NLN: variants seen among roughly 807,000 people sequenced by gnomAD.
NLN encodes the protein neurolysin, also known as neurolysin, mitochondrial.
Under a neutral mutation model 79.9 loss-of-function variants are expected in NLN, and 64 were observed. That is an observed-to-expected ratio of 0.80 (90% CI 0.65 to 0.99). The LOEUF (loss-of-function observed/expected upper bound fraction) is 0.99, where lower values mean the gene tolerates loss of function less well. Among genes scored for constraint, NLN ranks in the 50% least tolerant of loss-of-function variants. The pLI is 0.00. For synonymous variants in NLN, 267 were observed against 296.6 expected (o/e 0.90, Z 1.02); for missense variants, 835 against 858.7 (o/e 0.97, Z 0.34).
chr5:65,769,924 TTCA>T (rs879620641), intron 3 of NLN, among the ~76,000 whole-genome samples: 3 of 152,226 alleles, frequency 2.0e-5, no homozygotes, highest in Non-Finnish European at 4.4e-5. Context: ...TCAGTAAATG[TTCA>T]TCAAACTAAA....
At chr5:65,809,941 C>A in intron 10 of NLN, 96 bp from the exon 11 acceptor site, 2 of 1,354,300 alleles carry the variant, frequency 1.5e-6, no homozygotes, top group South Asian at 1.3e-5. Flanking sequence ...TTTGTGAGTA[C>A]TACTGGAATC....
At chr5:65,740,275 C>T (rs1275155396) in intron 1 of NLN, among the ~76,000 whole-genome samples, 9 of 152,154 alleles carry the variant, frequency 5.9e-5, no homozygotes, top group Admixed American at 6.5e-5. Flanking sequence ...GGACATAACG[C>T]GGTGAGTGAG....
At chr5:65,751,589 T>C (rs1759103130) in intron 1 of NLN, among the ~76,000 whole-genome samples, 1 of 152,150 alleles carries the variant, frequency 6.6e-6, no homozygotes, top group African/African-American at 2.4e-5. Context: ...ATGGCACAGA[T>C]GAAAGGTGAA....
chr5:65,798,470 A>G (rs1298156509), intron 9 of NLN, among the ~76,000 whole-genome samples: 1 of 152,166 alleles, frequency 6.6e-6, no homozygotes, highest in African/African-American at 2.4e-5. Context: ...AATGAATGCA[A>G]ATGTGGAATG....
At chr5:65,819,510 G>GAGAAGACTT (rs1579975496) in intron 12 of NLN, among the ~76,000 whole-genome samples, 1 of 152,198 alleles carries the variant, frequency 6.6e-6, no homozygotes, top group East Asian at 1.9e-4. Flanking sequence ...GTCACTGTTA[G>GAGAAGACTT]AGAAGACTTG....
chr5:65,773,337 C>T (rs1405728486), intron 3 of NLN, among the ~76,000 whole-genome samples: 3 of 151,772 alleles, frequency 2.0e-5, no homozygotes, highest in Non-Finnish European at 4.4e-5. Context: ...TGAGGTTTCA[C>T]CATGTTTCCC....
chr5:65,726,934 G>C lies in NLN; in HGVS notation c.41+4520G>C, dbSNP rs1758485387. Among the ~76,000 whole-genome samples the C allele has an allele frequency of 3.3e-5, 5 of 152,280 alleles. No individual in the cohort carries two copies. The South Asian group carries it at 1.0e-3, about 32-fold the overall frequency. ...TCATTTTAGTGTTATGGAGTAACTA[G>C]GCTTTTGCCTAACTGACTTACAGTT... is the stretch of plus-strand genomic sequence containing the variant. On this transcript the variant is annotated intron_variant, in intron 1 of 12. Coordinates refer to ENST00000380985, the MANE Select transcript of NLN (RefSeq NM_020726.5).
chr5:65,765,245 C>T (rs887068717), intron 3 of NLN, among the ~76,000 whole-genome samples: 5 of 151,234 alleles, frequency 3.3e-5, no homozygotes, highest in African/African-American at 9.7e-5. Flanking sequence ...TGGCCAGGTG[C>T]GGTGGCTCAC....
At chr5:65,822,303 G>A (rs1162050056) in intron 12 of NLN, among the ~76,000 whole-genome samples, 2 of 152,202 alleles carry the variant, frequency 1.3e-5, no homozygotes, top group Non-Finnish European at 2.9e-5. Flanking sequence ...CATCCATAAG[G>A]AAGAGGGTTC....
In NLN at chr5:65,824,758, T is replaced by C. The variant is rs1395763983; in HGVS notation, c.*1843T>C. 1.3e-5 allele frequency: 2 copies of C among 152,234 alleles called. No homozygotes were observed. The highest frequency in any genetic ancestry group is 4.8e-5 in the African/African-American group (2 of 41,470). 9.4% of individuals were successfully genotyped at this position (152,234 alleles called of 1,614,324 possible). On this transcript the variant is annotated 3_prime_UTR_variant, in exon 13 of 13. Coordinates refer to ENST00000380985, the MANE Select transcript of NLN (RefSeq NM_020726.5). ...TGAGAGCAAAAGCACCATGGTGTTC[T>C]TTCTATTTAGGGCCTACCTCTAATA...
At chr5:65,765,681 C>T (rs550546463) in intron 3 of NLN, among the ~76,000 whole-genome samples, 1 of 151,572 alleles carries the variant, frequency 6.6e-6, no homozygotes, top group Admixed American at 6.6e-5. Context: ...TGTACTCCAG[C>T]CTGAGTCACA....
chr5:65,780,124 C>A (rs1561198398), intron 4 of NLN, 55 bp from the exon 5 acceptor site: 3 of 775,644 alleles, frequency 3.9e-6, no homozygotes, highest in South Asian at 3.1e-5. Flanking sequence ...CCGTGCCTGG[C>A]AAAAAATGAG....
intron 1 of NLN, among the ~76,000 whole-genome samples, chr5:65,744,086 T>C (rs1259203040): frequency 1.3e-5 from 2 of 152,188 alleles, no homozygotes; most frequent in Non-Finnish European, 2.9e-5. Flanking sequence ...GACAGGGTCT[T>C]ACTCTGTTAC....
chr5:65,773,255 C>A (rs9686823), intron 3 of NLN, among the ~76,000 whole-genome samples: 2,368 of 151,962 alleles, frequency 0.016, 69 homozygotes, highest in African/African-American at 0.054. Flanking sequence ...CCTCAGCCTC[C>A]CAGGTAGCTA....
intron 1 of NLN, among the ~76,000 whole-genome samples, chr5:65,757,716 TTTTC>T (rs974352917): frequency 6.6e-6 from 1 of 152,152 alleles, no homozygotes; most frequent in Non-Finnish European, 1.5e-5. Context: ...ACAATTTCTT[TTTTC>T]TTTTTTTCTT....
intron 3 of NLN, among the ~76,000 whole-genome samples, chr5:65,769,066 G>A (rs897782664): frequency 1.3e-5 from 2 of 152,212 alleles, no homozygotes; most frequent in African/African-American, 4.8e-5. Context: ...ATGAGACTCA[G>A]TGCTCCAACA....
rs145321225 is a variant in NLN, at chr5:65,816,011, C to G, written c.1980+3620C>G. The stretch of plus-strand genomic sequence containing the variant: ...TTCTAATGTGAGTGTTACTTTAGAG[C>G]GAACATTTATTTTAAAAAGAAAAGA... On this transcript the variant is annotated intron_variant, in intron 12 of 12. Transcript: ENST00000380985. Among the ~76,000 whole-genome samples, 41 of 151,932 alleles carry G rather than the reference C, an allele frequency of 2.7e-4. No homozygotes were observed. In the East Asian group the frequency reaches 7.5e-3, roughly 28 times the overall value.
At chr5:65,778,586 A>G (rs1759729084) in intron 4 of NLN, among the ~76,000 whole-genome samples, 1 of 152,098 alleles carries the variant, frequency 6.6e-6, no homozygotes, top group Non-Finnish European at 1.5e-5. Flanking sequence ...ATTAGTTAAG[A>G]TATGTTTGGT....
At chr5:65,803,817 T>C (rs1302014845) in intron 9 of NLN, among the ~76,000 whole-genome samples, 1 of 152,088 alleles carries the variant, frequency 6.6e-6, no homozygotes, top group Admixed American at 6.5e-5. Context: ...GGGGAAGGAC[T>C]TTTCTGCCTG....
Sources: allele counts gnomAD v4.1 joint callset (sites outside exome capture counted in the v4.1 genomes callset), GRCh38; gene constraint gnomAD v4.1.1; transcripts MANE v1.5; gene names NCBI Gene and HGNC (gene_info 2026-07-23, HGNC 2026-07-21).